The following C3orf18 variants were observed in gnomAD, a reference collection of about 807,000 sequenced individuals.
C3orf18 encodes the protein chromosome 3 open reading frame 18.
In C3orf18, 12 loss-of-function variants were observed where a neutral mutation model predicts 14.1. The observed-to-expected ratio is 0.85, with a 90% CI of 0.55 to 1.38. The LOEUF (loss-of-function observed/expected upper bound fraction) is 1.38. Ranked by LOEUF, C3orf18 falls within the 40% of genes most tolerant of loss-of-function variation. The pLI is 0.00. For missense variants in C3orf18, 196 were observed against 213.9 expected (o/e 0.92, Z 0.52); for synonymous variants, 82 against 87.9 (o/e 0.93, Z 0.38).
At chr3:50,560,816 C>A in intron 5 of C3orf18, 101 bp downstream of exon 5, 1 of 1,302,702 alleles carries the variant, frequency 7.7e-7, no homozygotes, top group Non-Finnish European at 1.1e-6. Flanking sequence ...TGCCATCTGA[C>A]CACAAGGCAG....
chr3:50,572,295 C>T (rs1701088313), upstream of C3orf18: 1 of 1,502,934 alleles, frequency 6.7e-7, no homozygotes, highest in East Asian at 2.4e-5. Flanking sequence ...CCAGGGGGCA[C>T]TGGGGCCCCA....
chr3:50,563,625 C>T (rs1297436134), intron 3 of C3orf18, among the ~76,000 whole-genome samples: 2 of 152,170 alleles, frequency 1.3e-5, no homozygotes, highest in African/African-American at 2.4e-5. Flanking sequence ...CAGATTTGCT[C>T]CTCCTTGTAC....
chr3:50,573,401 C>T (rs553403952), upstream of C3orf18, among the ~76,000 whole-genome samples: 1 of 152,312 alleles, frequency 6.6e-6, no homozygotes, highest in East Asian at 1.9e-4. Context: ...TGATCTCTGG[C>T]GAAGAGATCA....
upstream of C3orf18, chr3:50,570,940 C>A: frequency 2.0e-6 from 1 of 512,366 alleles, no homozygotes; most frequent in Non-Finnish European, 3.4e-6. Flanking sequence ...GGGTGGCAAC[C>A]AACTATATCT....
Position 50,559,475 on chromosome 3 carries a change from T to G in C3orf18, c.*182A>C. 1 of 1,423,490 alleles carries G rather than the reference T, an allele frequency of 7.0e-7. No homozygotes were observed. Among genetic ancestry groups the G allele is most frequent in the East Asian group, 2.6e-5 (1 of 38,586 alleles). The allele number at this position is 1,423,490 out of a possible 1,614,324, so 88.2% of individuals were successfully genotyped here. ...TCAGTGGTCAGAAGTCCAGCCTGGC[T>G]AGGGCCCTCTCTTAGAGTCTAAAGT... On this transcript the variant is annotated 3_prime_UTR_variant, in exon 6 of 6. Coordinates refer to ENST00000357203, the MANE Select transcript of C3orf18 (RefSeq NM_016210.5).
chr3:50,565,782 G>T lies in C3orf18; in HGVS notation c.-83C>A. ...TCACTCCTGACTCCGGAGTGCCCCA[G>T]CCTGTGGTTCCTGCCACCTGTGGTG... is the stretch of plus-strand genomic sequence containing the variant. On this transcript the variant is annotated 5_prime_UTR_variant, in exon 3 of 6. It adds an upstream start codon to the 5' untranslated region. Coordinates refer to ENST00000357203, the MANE Select transcript of C3orf18 (RefSeq NM_016210.5). This position sits in a 1 kb window ranked among gnomAD's most constrained non-coding sequence, Gnocchi z 4.4. The T allele has an allele frequency of 8.9e-7, 1 of 1,120,714 alleles. No individual in the cohort carries two copies. Among genetic ancestry groups the T allele is most frequent in the Non-Finnish European group, 1.3e-6 (1 of 787,862 alleles). 69.4% of individuals were successfully genotyped at this position (1,120,714 alleles called of 1,614,324 possible). A position where few individuals can be genotyped will look rare whatever the true frequency, so the allele number is the denominator to read the frequency against.
chr3:50,569,686 G>A (rs1700675327), upstream of C3orf18: 1 of 152,360 alleles, frequency 6.6e-6, no homozygotes, highest in Non-Finnish European at 1.5e-5. Flanking sequence ...GGAGAGAGGG[G>A]GCCTCATCTG....
Position 50,559,548 on chromosome 3 carries a change from T to G in C3orf18, c.*109A>C. 6.9e-7 allele frequency: 1 copy of G among 1,442,588 alleles called. No individual in the cohort carries two copies. The highest frequency in any genetic ancestry group is 2.8e-5 in the Admixed American group (1 of 35,962). The allele number at this position is 1,442,588 out of a possible 1,614,324, so 89.4% of individuals were successfully genotyped here. ...GCTAGGACCTGGCTCAGCCCTCTTG[T>G]GTCTTGGCAGGGAAGATCTTCAGAG... is the stretch of plus-strand genomic sequence containing the variant. On this transcript the variant is annotated 3_prime_UTR_variant, in exon 6 of 6. Transcript: ENST00000357203.
chr3:50,571,596 G>C, upstream of C3orf18: 5 of 998,030 alleles, frequency 5.0e-6, no homozygotes, highest in Non-Finnish European at 8.0e-6. Flanking sequence ...GGGCCCAGAT[G>C]ATGAGAGGGT....
intron 5 of C3orf18, among the ~76,000 whole-genome samples, chr3:50,560,022 G>C (rs945680564): frequency 6.6e-6 from 1 of 152,230 alleles, no homozygotes; most frequent in Admixed American, 6.5e-5. Flanking sequence ...TGTATCCCCA[G>C]GCCCTAGCAC....
At chr3:50,559,958 A>G (rs1699865985) in intron 5 of C3orf18, among the ~76,000 whole-genome samples, 3 of 152,176 alleles carry the variant, frequency 2.0e-5, no homozygotes, top group Admixed American at 1.3e-4. Flanking sequence ...TACTGTGTTG[A>G]TTTAATTATG....
At chr3:50,567,295 G>A (rs778010197) in intron 1 of C3orf18, among the ~76,000 whole-genome samples, 168 bp downstream of exon 1, 6 of 152,192 alleles carry the variant, frequency 3.9e-5, no homozygotes, top group Non-Finnish European at 8.8e-5. Flanking sequence ...GGGTCCAAAG[G>A]GGAAGGGAAG....
chr3:50,572,182 G>A (rs1701061510), upstream of C3orf18: 1 of 1,613,648 alleles, frequency 6.2e-7, no homozygotes, highest in Non-Finnish European at 8.5e-7. Context: ...GGTGCCCCCA[G>A]TGTTTATTCC....
intron 5 of C3orf18, 125 bp downstream of exon 5, chr3:50,560,792 G>A (rs761530577): frequency 3.9e-5 from 41 of 1,060,420 alleles, no homozygotes; most frequent in African/African-American, 1.4e-4. Context: ...GGAAAAAGCC[G>A]TATACCCAAT....
upstream of C3orf18, chr3:50,571,950 T>A: frequency 7.6e-7 from 1 of 1,311,946 alleles, no homozygotes; most frequent in South Asian, 1.3e-5. Flanking sequence ...GCCGGGGTAC[T>A]GAATAGGAAG....
chr3:50,570,207 C>A (rs895392942), upstream of C3orf18: 2 of 152,228 alleles, frequency 1.3e-5, no homozygotes, highest in African/African-American at 4.8e-5. Flanking sequence ...CTACTTGTAT[C>A]TGAAGATGTG....
intron 4 of C3orf18, 51 bp from the exon 5 acceptor site, chr3:50,561,115 C>A: frequency 1.3e-6 from 2 of 1,586,984 alleles, no homozygotes; most frequent in Non-Finnish European, 1.7e-6. Flanking sequence ...CTTCCCCTCC[C>A]AGCAGCCCTC....
At chr3:50,567,046 G>A (rs1675803998) in intron 1 of C3orf18, among the ~76,000 whole-genome samples, 1 of 152,192 alleles carries the variant, frequency 6.6e-6, no homozygotes, top group African/African-American at 2.4e-5. Context: ...GGTCCCTGAG[G>A]AAGGGGCAAG....
chr3:50,564,350 AG>A (rs1344028463), intron 3 of C3orf18, among the ~76,000 whole-genome samples: 1 of 152,226 alleles, frequency 6.6e-6, no homozygotes, highest in East Asian at 1.9e-4. Flanking sequence ...CCATATCCTT[AG>A]GGACTGACAC....
Sources: allele counts gnomAD v4.1 joint callset (sites outside exome capture counted in the v4.1 genomes callset), GRCh38; gene constraint gnomAD v4.1.1; non-coding constraint Gnocchi (gnomAD v3.1); transcripts MANE v1.5; gene names NCBI Gene and HGNC (gene_info 2026-07-23, HGNC 2026-07-21).